LRRIQ3: variants seen among roughly 807,000 people sequenced by gnomAD.
LRRIQ3 encodes the protein leucine-rich repeat and IQ domain-containing protein 3.
A neutral mutation model predicts 59.3 loss-of-function variants in LRRIQ3; 75 were observed. The observed-to-expected ratio is 1.26, with a 90% CI of 1.05 to 1.53. The LOEUF (loss-of-function observed/expected upper bound fraction) is 1.53. LRRIQ3 is among the 40% of genes most tolerant of loss of function. The probability of loss-of-function intolerance (pLI) is 0.00; values close to 1 mark genes in which losing one functional copy is unlikely to be tolerated. For missense variants in LRRIQ3, 831 were observed against 710.0 expected (o/e 1.17, Z -1.94); for synonymous variants, 250 against 231.3 (o/e 1.08, Z -0.73).
rs190524691 is a variant in LRRIQ3 at position 74,139,052 on chromosome 1, A to G, written c.707+16681T>C. Among the ~76,000 whole-genome samples, 479 of 150,164 alleles carry G rather than the reference A, an allele frequency of 3.2e-3. 4 individuals are homozygous for G. The highest frequency in any genetic ancestry group is 0.011 in the African/African-American group (441 of 40,642). ...AAACACAAACACAAAAAATGTATTT[A>G]TGTGTATATATATATATATACACAT... On this transcript the variant is annotated intron_variant, in intron 4 of 7. Transcript: ENST00000354431.
intron 6 of LRRIQ3, among the ~76,000 whole-genome samples, chr1:74,070,276 A>G (rs1260164031): frequency 1.3e-5 from 2 of 152,106 alleles, no homozygotes; most frequent in Non-Finnish European, 2.9e-5. Flanking sequence ...TACATACACA[A>G]GATGGAATAC....
chr1:74,132,827 T>C (rs907123202), intron 4 of LRRIQ3, among the ~76,000 whole-genome samples: 14 of 151,944 alleles, frequency 9.2e-5, no homozygotes, highest in African/African-American at 3.1e-4. Flanking sequence ...GTCTAAAACA[T>C]CAAAAGCAAT....
intron 3 of LRRIQ3, among the ~76,000 whole-genome samples, chr1:74,160,869 T>C (rs959520955): frequency 2.6e-5 from 4 of 152,062 alleles, no homozygotes; most frequent in African/African-American, 9.7e-5. Context: ...CCTGAAAACA[T>C]AGAGGGTTTT....
intron 5 of LRRIQ3, 168 bp downstream of exon 5, chr1:74,109,226 G>C: frequency 1.7e-6 from 1 of 579,368 alleles, no homozygotes; most frequent in Non-Finnish European, 3.1e-6. Flanking sequence ...AAATATATTT[G>C]TATTACATTA....
At chr1:74,098,563 A>G (rs1320628219) in intron 5 of LRRIQ3, among the ~76,000 whole-genome samples, 1 of 152,200 alleles carries the variant, frequency 6.6e-6, no homozygotes, top group African/African-American at 2.4e-5. Flanking sequence ...CCTAATAGAC[A>G]TCTACAGAAC....
intron 7 of LRRIQ3, among the ~76,000 whole-genome samples, chr1:74,035,847 A>G (rs1653852784): frequency 6.6e-6 from 1 of 152,042 alleles, no homozygotes; most frequent in South Asian, 2.1e-4. Context: ...AGCTTTACCT[A>G]TTTTGAACTT....
chr1:74,105,030 G>A (rs970527681), intron 5 of LRRIQ3, among the ~76,000 whole-genome samples: 1 of 151,774 alleles, frequency 6.6e-6, no homozygotes, highest in African/African-American at 2.4e-5. Flanking sequence ...GGTACCTGAA[G>A]GCAATATTTC....
At chr1:74,089,406 C>A (rs1373196718) in intron 5 of LRRIQ3, among the ~76,000 whole-genome samples, 1 of 151,912 alleles carries the variant, frequency 6.6e-6, no homozygotes, top group Non-Finnish European at 1.5e-5. Context: ...AGAAGGAACT[C>A]AACGAATGAA....
chr1:74,034,549 T>G (rs1023084379), intron 7 of LRRIQ3, among the ~76,000 whole-genome samples: 6 of 151,852 alleles, frequency 4.0e-5, no homozygotes, highest in Admixed American at 2.0e-4. Context: ...GATTTGTATT[T>G]CAATACATAC....
chr1:74,193,194 G>A (rs1013145948), intron 1 of LRRIQ3, among the ~76,000 whole-genome samples: 8 of 152,090 alleles, frequency 5.3e-5, no homozygotes, highest in Admixed American at 2.0e-4. Context: ...TTTGTGAAAT[G>A]TATATACACA....
chr1:74,109,510 T>C lies in LRRIQ3; in HGVS notation c.751A>G (p.Arg251Gly). ...HKKKQQEKII[R>G]GYEAKWIYIT... ...TAAATCCATTTTGCTTCATATCCTC[T>C]AATAATTTTTTCCTGCTGTTTTTTT... The change falls in exon 5 of 8, where the codon AGA becomes GGA. Residue 251 changes from arginine (R) to glycine (G), a missense_variant. Coordinates refer to ENST00000354431, the MANE Select transcript of LRRIQ3 (RefSeq NM_001105659.2). 6.4e-7 allele frequency: 1 copy of C among 1,568,338 alleles called. No individual in the cohort carries two copies. Among genetic ancestry groups the C allele is most frequent in the Non-Finnish European group, 8.6e-7 (1 of 1,162,586 alleles).
chr1:74,109,245 C>CT, intron 5 of LRRIQ3, 149 bp downstream of exon 5: 1 of 662,410 alleles, frequency 1.5e-6, no homozygotes, highest in Non-Finnish European at 2.6e-6. Flanking sequence ...TACTATATAA[C>CT]TTTTTTCAAT....
intron 1 of LRRIQ3, among the ~76,000 whole-genome samples, chr1:74,189,374 C>G (rs956957218): frequency 2.6e-5 from 4 of 152,020 alleles, no homozygotes; most frequent in Non-Finnish European, 5.9e-5. Flanking sequence ...AAACTAAGTA[C>G]AGAAAAAGGA....
At chr1:74,056,347 A>G (rs1428532454) in intron 6 of LRRIQ3, among the ~76,000 whole-genome samples, 1 of 152,038 alleles carries the variant, frequency 6.6e-6, no homozygotes, top group African/African-American at 2.4e-5. Context: ...CTTGTATTCA[A>G]CATAGTACTA....
intron 6 of LRRIQ3, among the ~76,000 whole-genome samples, chr1:74,060,255 T>C (rs534925864): frequency 6.7e-5 from 9 of 135,146 alleles, no homozygotes; most frequent in South Asian, 2.4e-4. Flanking sequence ...CTTCTTCTTC[T>C]TCCTCTTCCT....
intron 1 of LRRIQ3, among the ~76,000 whole-genome samples, chr1:74,196,314 CTTCT>C (rs1442783317): frequency 4.6e-5 from 7 of 152,024 alleles, no homozygotes; most frequent in East Asian, 1.9e-4. Flanking sequence ...TTACTTCTTC[CTTCT>C]TTATTTCACC....
At chr1:74,188,009 G>A (rs1210620878) in intron 1 of LRRIQ3, among the ~76,000 whole-genome samples, 3 of 152,010 alleles carry the variant, frequency 2.0e-5, no homozygotes, top group Non-Finnish European at 4.4e-5. Context: ...CAAACACATG[G>A]AATCAACCTA....
At chr1:74,133,629 G>A (rs189301335) in intron 4 of LRRIQ3, among the ~76,000 whole-genome samples, 8 of 149,494 alleles carry the variant, frequency 5.4e-5, no homozygotes, top group African/African-American at 2.0e-4. Context: ...ACCAAACACC[G>A]CATGTTCTCA....
intron 6 of LRRIQ3, among the ~76,000 whole-genome samples, chr1:74,073,269 T>C (rs927058820): frequency 6.6e-6 from 1 of 152,048 alleles, no homozygotes; most frequent in Non-Finnish European, 1.5e-5. Context: ...TCCCAGCACT[T>C]TGGGAGGCCG....
Sources: allele counts gnomAD v4.1 joint callset (sites outside exome capture counted in the v4.1 genomes callset), GRCh38; gene constraint gnomAD v4.1.1; transcripts MANE v1.5; gene names NCBI Gene and HGNC (gene_info 2026-07-23, HGNC 2026-07-21).